FRS2: variants seen among roughly 807,000 people sequenced by gnomAD.
FRS2 encodes fibroblast growth factor receptor substrate 2.
Under a neutral mutation model 43.9 loss-of-function variants are expected in FRS2, and 8 were observed. That is an observed-to-expected ratio of 0.18 (90% confidence interval 0.11 to 0.33). FRS2 has a LOEUF of 0.33. Among genes scored for constraint, FRS2 ranks in the 10% least tolerant of loss-of-function variants. The pLI, the probability that FRS2 is intolerant of heterozygous loss-of-function variation, is 1.00. For synonymous variants in FRS2, 219 were observed against 220.3 expected (o/e 0.99, Z 0.05); for missense variants, 534 against 627.6 (o/e 0.85, Z 1.59).
chr12:69,485,942 CA>C (rs1486273527), intron 1 of FRS2, among the ~76,000 whole-genome samples: 1 of 152,164 alleles, frequency 6.6e-6, no homozygotes, highest in Non-Finnish European at 1.5e-5. Context: ...TAAAAAATAA[CA>C]TTTTTTTATT....
intron 1 of FRS2, among the ~76,000 whole-genome samples, chr12:69,500,148 A>C: frequency 6.6e-6 from 1 of 152,208 alleles, no homozygotes; most frequent in Non-Finnish European, 1.5e-5. Context: ...ACAACGAAAT[A>C]ATGGTATTAA....
chr12:69,546,602 A>G (rs1302239022), intron 3 of FRS2, among the ~76,000 whole-genome samples: 4 of 151,896 alleles, frequency 2.6e-5, no homozygotes, highest in Non-Finnish European at 4.4e-5. Context: ...CCTGTTGTCC[A>G]GGCTGGTCTT....
chr12:69,484,406 T>G (rs1288724850), intron 1 of FRS2, among the ~76,000 whole-genome samples: 1 of 152,196 alleles, frequency 6.6e-6, no homozygotes, highest in Non-Finnish European at 1.5e-5. Context: ...TTAATATCTG[T>G]GCCAGTGTTC....
intron 3 of FRS2, among the ~76,000 whole-genome samples, chr12:69,541,214 G>A (rs567985): frequency 0.093 from 14,208 of 152,146 alleles, 873 homozygotes; most frequent in Non-Finnish European, 0.14. Context: ...AAAAAATTTA[G>A]TAAAGGAGGA....
rs934632117 is a variant in FRS2 at position 69,576,026 on chromosome 12, A to G, written c.*1071A>G. The G allele has an allele frequency of 2.0e-5, 3 of 152,632 alleles. No individual in the cohort carries two copies. The highest frequency in any genetic ancestry group is 7.2e-5 in the African/African-American group (3 of 41,456). The allele number at this position is 152,632 out of a possible 1,614,324, so 9.5% of individuals were successfully genotyped here. ...TTATTTATAAGCTGTTTACTTTTCA[A>G]GTTGATAAAAACATTCTCCAATTCT... On this transcript the variant is annotated 3_prime_UTR_variant, in exon 9 of 9. Coordinates refer to ENST00000549921, the MANE Select transcript of FRS2 (RefSeq NM_001278356.2).
At chr12:69,537,560 T>C (rs1039595739) in intron 3 of FRS2, among the ~76,000 whole-genome samples, 1 of 152,224 alleles carries the variant, frequency 6.6e-6, no homozygotes, top group African/African-American at 2.4e-5. Flanking sequence ...TGCCCTTCCT[T>C]TGTAAGTAAT....
At chr12:69,522,747 C>T (rs1259407069) in intron 1 of FRS2, among the ~76,000 whole-genome samples, 1 of 152,164 alleles carries the variant, frequency 6.6e-6, no homozygotes, top group Non-Finnish European at 1.5e-5. Context: ...ATAAATTTCC[C>T]TCTTCACGCT....
chr12:69,558,722 G>T (rs904967103), intron 3 of FRS2, among the ~76,000 whole-genome samples: 1 of 152,040 alleles, frequency 6.6e-6, no homozygotes, highest in Non-Finnish European at 1.5e-5. Flanking sequence ...CCAGCACATG[G>T]GTCTGCAGTT....
intron 1 of FRS2, among the ~76,000 whole-genome samples, chr12:69,494,316 G>T (rs563985778): frequency 2.6e-5 from 4 of 152,200 alleles, no homozygotes; most frequent in Admixed American, 6.5e-5. Flanking sequence ...TTACTCTGAA[G>T]AATGGTAACT....
intron 1 of FRS2, among the ~76,000 whole-genome samples, chr12:69,474,076 C>T (rs1413942245): frequency 6.6e-6 from 1 of 152,078 alleles, no homozygotes. Context: ...CTCTTGACCT[C>T]GTGATCCGCC....
At chr12:69,497,893 G>GT (rs1487005186) in intron 1 of FRS2, among the ~76,000 whole-genome samples, 1 of 152,218 alleles carries the variant, frequency 6.6e-6, no homozygotes, top group Non-Finnish European at 1.5e-5. Context: ...GTCTGATCTG[G>GT]TAAGTCTGCT....
chr12:69,508,886 T>C (rs1016394756), intron 1 of FRS2, among the ~76,000 whole-genome samples: 18 of 152,316 alleles, frequency 1.2e-4, no homozygotes, highest in African/African-American at 3.8e-4. Context: ...CATACTTCCC[T>C]TTTTCTCATC....
rs146331196 is a variant in FRS2 at position 69,530,615 on chromosome 12, C to T, written c.-260-250C>T. Among the ~76,000 whole-genome samples, 48 of 152,172 alleles carry T rather than the reference C, an allele frequency of 3.2e-4. 1 individual carries two copies. In the East Asian group the frequency reaches 8.1e-3, roughly 26 times the overall value. ...AAAATTGGCTGGCCGTGGTGGCATGCACCTGTGGTCCCAGCTACTCAGAAG... is the reference window on the plus strand; with the variant it reads ...AAAATTGGCTGGCCGTGGTGGCATGTACCTGTGGTCCCAGCTACTCAGAAG... On this transcript the variant is annotated intron_variant, in intron 1 of 8. Coordinates refer to ENST00000549921, the MANE Select transcript of FRS2 (RefSeq NM_001278356.2).
chr12:69,541,235 C>T (rs1410460121), intron 3 of FRS2, among the ~76,000 whole-genome samples: 1 of 152,134 alleles, frequency 6.6e-6, no homozygotes, highest in Admixed American at 6.5e-5. Flanking sequence ...TATCAGATAA[C>T]CAGTTCTTAC....
In FRS2 at chr12:69,575,145, A is replaced by G. The variant is rs1278184755; in HGVS notation, c.*190A>G. The G allele has an allele frequency of 5.4e-6, 3 of 558,256 alleles. No homozygotes were observed. Among genetic ancestry groups the G allele is most frequent in the Non-Finnish European group, 9.5e-6 (3 of 316,138 alleles). The allele number at this position is 558,256 out of a possible 1,614,324, so 34.6% of individuals were successfully genotyped here. On this transcript the variant is annotated 3_prime_UTR_variant, in exon 9 of 9. Transcript: ENST00000549921. Reference sequence around the variant, plus strand: ...GTACTCCTTAAAGAACACTAATTTCATTATATACTACTCGTTGTACAGCAG... The same window carrying G: ...GTACTCCTTAAAGAACACTAATTTCGTTATATACTACTCGTTGTACAGCAG...
chr12:69,545,411 C>T (rs1444477892), intron 3 of FRS2, among the ~76,000 whole-genome samples: 1 of 152,156 alleles, frequency 6.6e-6, no homozygotes, highest in Non-Finnish European at 1.5e-5. Flanking sequence ...AATCAAACAG[C>T]ATGGTATTGG....
chr12:69,553,422 T>G (rs777425623), intron 3 of FRS2, among the ~76,000 whole-genome samples: 2 of 152,196 alleles, frequency 1.3e-5, no homozygotes, highest in Non-Finnish European at 2.9e-5. Flanking sequence ...TTACGCTGAT[T>G]ACAGCTTAGA....
At chr12:69,531,622 A>G (rs779406909) in intron 2 of FRS2, among the ~76,000 whole-genome samples, 1 of 152,010 alleles carries the variant, frequency 6.6e-6, no homozygotes, top group South Asian at 2.1e-4. Context: ...ATGTAAAAAA[A>G]ACACTGTTCA....
At chr12:69,524,190 C>T (rs1440504170) in intron 1 of FRS2, among the ~76,000 whole-genome samples, 1 of 151,932 alleles carries the variant, frequency 6.6e-6, no homozygotes, top group African/African-American at 2.4e-5. Context: ...CTGGTGGTCT[C>T]ATTGCTGCCA....
Sources: gnomAD v4.1 joint callset for allele counts (sites outside exome capture counted in the v4.1 genomes callset) on GRCh38, gnomAD v4.1.1 for gene constraint, MANE v1.5 for transcripts, NCBI Gene and HGNC (gene_info 2026-07-23, HGNC 2026-07-21) for gene names.